The following RADX variants were observed in gnomAD, a reference collection of about 807,000 sequenced individuals.
RADX encodes RPA1 related single stranded DNA binding protein, X-linked, also known as RPA-related protein RADX.
In RADX, 36 loss-of-function variants were observed where a neutral mutation model predicts 61.6. The ratio of observed to expected loss-of-function variants is 0.58; its 90% CI spans 0.45 to 0.77. RADX has a LOEUF of 0.77. Ranked by LOEUF, RADX falls within the 30% of genes least tolerant of loss-of-function variation. RADX has a pLI of 0.00. For synonymous variants in RADX, 272 were observed against 237.9 expected, an observed-to-expected ratio of 1.14 and a Z score of -1.32; for missense variants, 497 against 651.1, an observed-to-expected ratio of 0.76 and a Z score of 2.58.
intron 1 of RADX, 49 bp from the exon 2 acceptor site, chrX:106,622,602 T>A (rs367943488): frequency 1.0e-6 from 1 of 980,580 alleles, no homozygotes; most frequent in East Asian, 3.1e-5. Context: ...ATCTTTGAAG[T>A]TACCATTACA....
At chrX:106,671,096 A>G (rs1367841741) in intron 13 of RADX, among the ~76,000 whole-genome samples, 2 of 111,629 alleles carry the variant, frequency 1.8e-5, no homozygotes, top group African/African-American at 6.5e-5. Flanking sequence ...ACCTATTCTC[A>G]GGAGATAACC....
intron 1 of RADX, among the ~76,000 whole-genome samples, chrX:106,619,692 T>C (rs1184500230): frequency 8.9e-6 from 1 of 111,999 alleles, no homozygotes; most frequent in African/African-American, 3.2e-5. Flanking sequence ...AAATTATCTA[T>C]TTCACTGATC....
Position 106,640,758 on chromosome X carries a change from T to A in RADX, c.1904+37T>A, listed in dbSNP as rs778793333. ...GTATTAAGTATATGTAAAGTATATT[T>A]TTTCTTTTGGGTTATCTCTACCCTG... On this transcript the variant is annotated intron_variant, in intron 10 of 13. Coordinates refer to ENST00000372548, the MANE Select transcript of RADX (RefSeq NM_018015.6). 4 of 1,001,685 alleles carry A rather than the reference T, an allele frequency of 4.0e-6. No individual in the cohort carries two copies. The Admixed American group carries it at 1.2e-4, about 31-fold the overall frequency. 82.6% of individuals were successfully genotyped at this position (1,001,685 alleles called of 1,213,427 possible).
intron 12 of RADX, among the ~76,000 whole-genome samples, chrX:106,668,145 C>T (rs1173086139): frequency 9.0e-6 from 1 of 111,594 alleles, no homozygotes; most frequent in Non-Finnish European, 1.9e-5. Context: ...ATGTCATTTC[C>T]CCATAAAAAG....
At chrX:106,656,977 T>C (rs915756820) in intron 11 of RADX, among the ~76,000 whole-genome samples, 2 of 111,930 alleles carry the variant, frequency 1.8e-5, no homozygotes, top group Non-Finnish European at 3.8e-5. Context: ...CCGTTGAAGA[T>C]TTAAAGCCAG....
intron 3 of RADX, among the ~76,000 whole-genome samples, chrX:106,630,247 C>T (rs930981190): frequency 3.6e-5 from 4 of 110,410 alleles, no homozygotes; most frequent in Non-Finnish European, 7.6e-5. Flanking sequence ...ATTGCTTGAG[C>T]CCAGGAGGTT....
intron 1 of RADX, among the ~76,000 whole-genome samples, chrX:106,614,200 C>T (rs887039931): frequency 9.0e-6 from 1 of 111,568 alleles, no homozygotes; most frequent in African/African-American, 3.3e-5. Flanking sequence ...AGACCTCTTT[C>T]ACCTTCCCTA....
In RADX at chrX:106,669,345, G is replaced by A. The variant is rs756451989; in HGVS notation, c.2437+15G>A. Reference sequence around the variant, plus strand: ...AGCGGTTGCAGGTAAAACAATCTCAGTGTTCTTTTCACTCAGAAAAAAAAA... The same window carrying A: ...AGCGGTTGCAGGTAAAACAATCTCAATGTTCTTTTCACTCAGAAAAAAAAA... On this transcript the variant is annotated intron_variant, in intron 13 of 13. Coordinates refer to ENST00000372548, the MANE Select transcript of RADX (RefSeq NM_018015.6). 8.9e-7 allele frequency: 1 copy of A among 1,127,199 alleles called. No homozygotes were observed. The highest frequency in any genetic ancestry group is 2.1e-5 in the South Asian group (1 of 47,408). The allele number at this position is 1,127,199 out of a possible 1,213,427, so 92.9% of individuals were successfully genotyped here. A position where few individuals can be genotyped will look rare whatever the true frequency, so the allele number is the denominator to read the frequency against.
At chrX:106,643,013 T>C (rs772647359) in intron 10 of RADX, among the ~76,000 whole-genome samples, 15 of 111,316 alleles carry the variant, frequency 1.3e-4, no homozygotes, top group Non-Finnish European at 2.8e-4. Context: ...TGTTGAATTT[T>C]ATCAAATTTT....
intron 1 of RADX, among the ~76,000 whole-genome samples, chrX:106,620,844 A>G (rs887754055): frequency 2.7e-5 from 3 of 112,122 alleles, no homozygotes; most frequent in Non-Finnish European, 5.6e-5. Context: ...ATGAATTTAC[A>G]CAAATTCTTC....
intron 1 of RADX, among the ~76,000 whole-genome samples, chrX:106,618,390 T>C (rs1188166669): frequency 9.0e-6 from 1 of 111,205 alleles, no homozygotes; most frequent in Non-Finnish European, 1.9e-5. Flanking sequence ...CAGTGTATGA[T>C]TCATTAGGTC....
In RADX at chrX:106,662,281, G is replaced by C; in HGVS notation, c.2245G>C (p.Gly749Arg). ...TGATTTTAAGAGCGCCCGAAGCCTT[G>C]GACATTTTGAAGTAACCATACTAGG... ...LDDFKSARSL[G>R]HFEVTILGLN... Residue 749 changes from glycine to arginine, a missense_variant, in exon 12 of 14, where the codon GGA becomes CGA. By Grantham distance (125) the Gly-to-Arg change is moderately radical. Coordinates refer to ENST00000372548, the MANE Select transcript of RADX (RefSeq NM_018015.6). 8.3e-7 allele frequency: 1 copy of C among 1,206,584 alleles called. No individual in the cohort carries two copies. Among genetic ancestry groups the C allele is most frequent in the Non-Finnish European group, 1.1e-6 (1 of 892,557 alleles).
Position 106,633,162 on chromosome X carries a change from A to T in RADX, c.1213A>T (p.Ile405Phe), listed in dbSNP as rs749313972. The part of the protein sequence containing the change: ...NREDFWSYRW[I>F]HIADGTSEQP... ...TGAAGATTTTTGGTCATATCGCTGG[A>T]TTCACATTGCTGACGGTACTTCAGA... The change falls in exon 6 of 14, where the codon ATT becomes TTT. Residue 405 changes from isoleucine (I) to phenylalanine (F), a missense_variant. By Grantham distance (21) the Ile-to-Phe change is conservative. Coordinates refer to ENST00000372548, the MANE Select transcript of RADX (RefSeq NM_018015.6). The T allele has an allele frequency of 8.3e-7, 1 of 1,203,318 alleles. No homozygotes were observed. The highest frequency in any genetic ancestry group is 1.1e-6 in the Non-Finnish European group (1 of 887,958).
rs1927455577 is a variant in RADX at position 106,639,663 on chromosome X, T to C, written c.1710T>C (p.Ser570=). The change falls in exon 9 of 14, where the codon AGT becomes AGC. Residue 570 remains serine (S), a synonymous_variant. Coordinates refer to ENST00000372548, the MANE Select transcript of RADX (RefSeq NM_018015.6). Reference sequence around the variant, plus strand: ...TCCCCCATAGCAGTGCGACTGAAAGTGCCTCAGCATCAGAAACACTTCGGG... The same window carrying C: ...TCCCCCATAGCAGTGCGACTGAAAGCGCCTCAGCATCAGAAACACTTCGGG... The part of the protein sequence containing the change: ...KYIPHSSATE[S]ASASETLRNA... 1 of 1,187,396 alleles carries C rather than the reference T, an allele frequency of 8.4e-7. No homozygotes were observed.
chrX:106,678,755 A>G lies in RADX; in HGVS notation c.*497A>G, dbSNP rs535949642. The G allele has an allele frequency of 3.1e-4, 35 of 112,434 alleles. No homozygotes were observed. The highest frequency in any genetic ancestry group is 1.1e-3 in the African/African-American group (34 of 30,904). 9.3% of individuals were successfully genotyped at this position (112,434 alleles called of 1,213,427 possible). A position where few individuals can be genotyped will look rare whatever the true frequency, so the allele number is the denominator to read the frequency against. ...TAGTTTGTATCATTTTCAAAAGTAC[A>G]CATTATTAGGGTCTAGTTGCCCCTG... On this transcript the variant is annotated 3_prime_UTR_variant, in exon 14 of 14. Transcript: ENST00000372548.
rs1293257596 is a variant in RADX at position 106,632,775 on chromosome X, A to G, written c.1088+42A>G. On this transcript the variant is annotated intron_variant, in intron 4 of 13. Transcript: ENST00000372548. ...TAAAATGTCTTAAATATTAATCTTCAGTCTTGGTTACTGAAAAACAATGCA... is the reference window on the plus strand; with the variant it reads ...TAAAATGTCTTAAATATTAATCTTCGGTCTTGGTTACTGAAAAACAATGCA... 6 of 999,303 alleles carry G rather than the reference A, an allele frequency of 6.0e-6. No individual in the cohort carries two copies. The Admixed American group carries it at 9.8e-5, about 16-fold the overall frequency. 82.4% of individuals were successfully genotyped at this position (999,303 alleles called of 1,213,427 possible). A position where few individuals can be genotyped will look rare whatever the true frequency, so the allele number is the denominator to read the frequency against.
intron 13 of RADX, among the ~76,000 whole-genome samples, chrX:106,672,342 G>A (rs977684133): frequency 1.8e-5 from 2 of 111,478 alleles, no homozygotes; most frequent in Admixed American, 9.5e-5. Flanking sequence ...TCCACTTTCT[G>A]TCTCTAGAAA....
At position 106,633,114 on chromosome X, in the gene RADX, T is replaced by A; in HGVS notation, c.1181-16T>A. Reference sequence around the variant, plus strand: ...TAACAGTTACCTTCATTTATTTTAATATTCTATCCATATAGAAAACCGTGA... The same window carrying A: ...TAACAGTTACCTTCATTTATTTTAAAATTCTATCCATATAGAAAACCGTGA... On this transcript the variant is annotated splice_polypyrimidine_tract_variant and intron_variant, in intron 5 of 13. Coordinates refer to ENST00000372548, the MANE Select transcript of RADX (RefSeq NM_018015.6). The A allele has an allele frequency of 8.4e-7, 1 of 1,192,100 alleles. No homozygotes were observed. The highest frequency in any genetic ancestry group is 1.7e-5 in the African/African-American group (1 of 57,397).
chrX:106,641,821 T>C (rs1464665359), intron 10 of RADX, among the ~76,000 whole-genome samples: 2 of 111,255 alleles, frequency 1.8e-5, no homozygotes, highest in African/African-American at 6.5e-5. Flanking sequence ...CATTCTTCCA[T>C]TTTCCTGAAC....
Sources: allele counts gnomAD v4.1 joint callset (sites outside exome capture counted in the v4.1 genomes callset), GRCh38; gene constraint gnomAD v4.1.1; transcripts MANE v1.5; gene names NCBI Gene and HGNC (gene_info 2026-07-23, HGNC 2026-07-21).